Variants in AP1G1 observed in about 807,000 individuals in gnomAD.
AP1G1 encodes the protein adaptor related protein complex 1 subunit gamma 1.
Under a neutral mutation model 108.3 loss-of-function variants are expected in AP1G1, and 7 were observed. The ratio of observed to expected loss-of-function variants is 0.06; its 90% CI spans 0.04 to 0.12. The LOEUF is 0.12. AP1G1 is among the 10% of genes least tolerant of loss of function. The pLI, the probability that AP1G1 is intolerant of heterozygous loss-of-function variation, is 1.00. For synonymous variants in AP1G1, 379 were observed against 353.5 expected, an observed-to-expected ratio of 1.07 and a Z score of -0.81; for missense variants, 756 against 1,010.7, an observed-to-expected ratio of 0.75 and a Z score of 3.42.
chr16:71,738,161 C>T (rs898184909), intron 21 of AP1G1, among the ~76,000 whole-genome samples: 2 of 152,174 alleles, frequency 1.3e-5, no homozygotes, highest in African/African-American at 4.8e-5. Flanking sequence ...AATTCTCCTG[C>T]CTCATCAGCC....
chr16:71,744,357 T>C (rs1291965132), intron 19 of AP1G1, among the ~76,000 whole-genome samples: 1 of 152,098 alleles, frequency 6.6e-6, no homozygotes, highest in African/African-American at 2.4e-5. Context: ...TGAAAAGTTA[T>C]GTTTGAATAT....
Position 71,731,883 on chromosome 16 carries a change from C to A in AP1G1, c.*1175G>T, listed in dbSNP as rs2045478726. The A allele has an allele frequency of 6.6e-6, 1 of 152,626 alleles. No individual in the cohort carries two copies. Among genetic ancestry groups the A allele is most frequent in the Non-Finnish European group, 1.5e-5 (1 of 68,030 alleles). The allele number at this position is 152,626 out of a possible 1,614,324, so 9.5% of individuals were successfully genotyped here. ...CATAAAGTACAATATGGAAAGATTT[C>A]TTTAACCGTGTGGTCTTTATTTCAG... On this transcript the variant is annotated 3_prime_UTR_variant, in exon 23 of 23. Transcript: ENST00000299980.
At chr16:71,773,200 A>G in intron 4 of AP1G1, 21 bp downstream of exon 4, 2 of 1,611,552 alleles carry the variant, frequency 1.2e-6, no homozygotes, top group Non-Finnish European at 1.7e-6. Context: ...CCAAACAGAC[A>G]TTTGGTTCAT....
chr16:71,792,948 G>A (rs780592572), intron 1 of AP1G1, among the ~76,000 whole-genome samples: 25 of 151,884 alleles, frequency 1.6e-4, no homozygotes, highest in Non-Finnish European at 3.1e-4. Context: ...CGAGCAGATC[G>A]CTTGAGCCCA....
chr16:71,805,372 C>G (rs2032963688), intron 1 of AP1G1, among the ~76,000 whole-genome samples: 1 of 151,258 alleles, frequency 6.6e-6, no homozygotes, highest in South Asian at 2.1e-4. Context: ...TCACTGGAAT[C>G]CAGGAGGTGG....
chr16:71,769,521 T>G (rs1359501385), intron 6 of AP1G1, 102 bp downstream of exon 6: 1 of 1,133,304 alleles, frequency 8.8e-7, no homozygotes, highest in South Asian at 1.2e-5. Flanking sequence ...CTTATTCAGA[T>G]CCATAGCTTG....
intron 9 of AP1G1, among the ~76,000 whole-genome samples, chr16:71,762,663 G>A (rs1200328083): frequency 6.6e-6 from 1 of 152,220 alleles, no homozygotes; most frequent in African/African-American, 2.4e-5. Flanking sequence ...CAGCACATCT[G>A]GAGAGGGTAT....
chr16:71,745,407 G>C, intron 18 of AP1G1, 66 bp downstream of exon 18: 3 of 1,611,088 alleles, frequency 1.9e-6, no homozygotes, highest in Non-Finnish European at 2.5e-6. Flanking sequence ...ACTCAGCTAA[G>C]AGACAAGCTG....
intron 21 of AP1G1, among the ~76,000 whole-genome samples, chr16:71,738,155 C>T (rs1381639709): frequency 6.6e-6 from 1 of 152,140 alleles, no homozygotes; most frequent in Non-Finnish European, 1.5e-5. Context: ...TCAAGCAATT[C>T]TCCTGCCTCA....
intron 6 of AP1G1, among the ~76,000 whole-genome samples, chr16:71,766,913 G>A (rs1425999473): frequency 2.0e-5 from 3 of 152,180 alleles, no homozygotes; most frequent in Non-Finnish European, 2.9e-5. Context: ...ATGGAGATCT[G>A]TAAATTCATT....
intron 21 of AP1G1, among the ~76,000 whole-genome samples, chr16:71,735,459 C>T (rs1462683780): frequency 2.0e-5 from 3 of 151,972 alleles, no homozygotes; most frequent in African/African-American, 7.2e-5. Flanking sequence ...GTCAGGAGTT[C>T]GAGACCAGCC....
At chr16:71,806,295 T>C (rs2032995432) in intron 1 of AP1G1, among the ~76,000 whole-genome samples, 1 of 152,216 alleles carries the variant, frequency 6.6e-6, no homozygotes, top group African/African-American at 2.4e-5. Context: ...GACATTCAAA[T>C]ATGCACTGAT....
intron 2 of AP1G1, among the ~76,000 whole-genome samples, chr16:71,776,114 T>C (rs936795413): frequency 5.3e-5 from 8 of 152,206 alleles, no homozygotes; most frequent in Non-Finnish European, 1.5e-5. Context: ...TGGATACCTG[T>C]GTATACAGGA....
chr16:71,778,017 A>G (rs2031857253), intron 2 of AP1G1, among the ~76,000 whole-genome samples: 1 of 152,226 alleles, frequency 6.6e-6, no homozygotes, highest in Admixed American at 6.5e-5. Flanking sequence ...GACGAATACA[A>G]GCTGTTTTTT....
chr16:71,769,490 A>AT (rs1215551981), intron 6 of AP1G1, 133 bp downstream of exon 6: 7 of 841,222 alleles, frequency 8.3e-6, no homozygotes, highest in Non-Finnish European at 1.4e-5. Flanking sequence ...GGCCAATTGC[A>AT]TAGCAGGGCT....
intron 1 of AP1G1, chr16:71,808,116 G>A: frequency 8.7e-7 from 1 of 1,153,542 alleles, no homozygotes; most frequent in South Asian, 1.8e-5. Context: ...AAGACCGGGA[G>A]AATTATTAGA....
intron 2 of AP1G1, among the ~76,000 whole-genome samples, chr16:71,779,947 C>T (rs1038062586): frequency 6.6e-6 from 1 of 151,694 alleles, no homozygotes; most frequent in African/African-American, 2.4e-5. Context: ...AGCAAGACCC[C>T]ATCTCTACAA....
intron 1 of AP1G1, among the ~76,000 whole-genome samples, chr16:71,799,330 G>A (rs1410059003): frequency 2.0e-5 from 3 of 151,998 alleles, no homozygotes; most frequent in Admixed American, 6.6e-5. Context: ...CATATAAGGC[G>A]GCATGTACAA....
chr16:71,769,885 T>C (rs2031502299), intron 5 of AP1G1, among the ~76,000 whole-genome samples, 186 bp from the exon 6 acceptor site: 1 of 152,240 alleles, frequency 6.6e-6, no homozygotes, highest in Non-Finnish European at 1.5e-5. Context: ...GATTTAAAAC[T>C]GGCCAAGTTG....
Sources: allele counts gnomAD v4.1 joint callset (sites outside exome capture counted in the v4.1 genomes callset), GRCh38; gene constraint gnomAD v4.1.1; transcripts MANE v1.5; gene names NCBI Gene and HGNC (gene_info 2026-07-23, HGNC 2026-07-21).